The following DTNA variants were observed in gnomAD, a reference collection of about 807,000 sequenced individuals.
DTNA encodes the protein dystrobrevin alpha, also known as dystrophin-related protein 3.
DTNA carries 43 observed loss-of-function variants against 100.7 expected under a neutral mutation model. That is an observed-to-expected ratio of 0.43 (90% CI 0.33 to 0.55). The LOEUF (loss-of-function observed/expected upper bound fraction) is 0.55. Among genes scored for constraint, DTNA ranks in the 20% least tolerant of loss-of-function variants. DTNA has a pLI of 0.04. For synonymous variants in DTNA, 349 were observed against 347.9 expected, an observed-to-expected ratio of 1.00 and a Z score of -0.04; for missense variants, 798 against 953.9, an observed-to-expected ratio of 0.84 and a Z score of 2.15.
At chr18:34,727,855 G>GTAAT (rs1463753314) in intron 1 of DTNA, among the ~76,000 whole-genome samples, 2 of 152,140 alleles carry the variant, frequency 1.3e-5, no homozygotes, top group Non-Finnish European at 2.9e-5. Context: ...GTGAGCCACT[G>GTAAT]CACTCAGCGC....
intron 1 of DTNA, among the ~76,000 whole-genome samples, chr18:34,604,798 T>C (rs2052665746): frequency 6.6e-6 from 1 of 152,136 alleles, no homozygotes; most frequent in Non-Finnish European, 1.5e-5. Flanking sequence ...ACATTTTTCA[T>C]TGCACAAGAG....
chr18:34,834,787 A>G (rs2096100869), intron 11 of DTNA, among the ~76,000 whole-genome samples: 1 of 152,104 alleles, frequency 6.6e-6, no homozygotes, highest in Non-Finnish European at 1.5e-5. Context: ...TACCCCCATA[A>G]CCCAAACACC....
chr18:34,663,668 T>C (rs963487937), intron 1 of DTNA, among the ~76,000 whole-genome samples: 115 of 152,258 alleles, frequency 7.6e-4, no homozygotes, highest in African/African-American at 2.5e-3. Flanking sequence ...AAATGTTTTT[T>C]GAAATTGAAT....
intron 1 of DTNA, chr18:34,493,759 G>A (rs2038811854): frequency 6.7e-6 from 1 of 148,918 alleles, no homozygotes; most frequent in African/African-American, 2.4e-5. Context: ...GCTGGAGCAA[G>A]GGCAGGCGCC....
At chr18:34,589,816 A>G (rs777588298) in intron 1 of DTNA, among the ~76,000 whole-genome samples, 30 of 152,020 alleles carry the variant, frequency 2.0e-4, no homozygotes, top group Non-Finnish European at 2.9e-4. Flanking sequence ...ATTTCTATAT[A>G]TTTGATTTTT....
intron 1 of DTNA, among the ~76,000 whole-genome samples, chr18:34,658,210 A>T (rs1438374577): frequency 6.6e-6 from 1 of 152,194 alleles, no homozygotes; most frequent in African/African-American, 2.4e-5. Context: ...ACTAGCCAGA[A>T]TTTAGGGGGA....
At chr18:34,547,850 A>G (rs776922662) in intron 1 of DTNA, among the ~76,000 whole-genome samples, 13 of 152,170 alleles carry the variant, frequency 8.5e-5, no homozygotes, top group African/African-American at 2.2e-4. Flanking sequence ...TTGAATTTCA[A>G]TATATCCTGG....
At chr18:34,736,636 A>C (rs1285053070) in intron 1 of DTNA, among the ~76,000 whole-genome samples, 3 of 152,166 alleles carry the variant, frequency 2.0e-5, no homozygotes, top group African/African-American at 7.2e-5. Context: ...AAATGCCTTG[A>C]ACTTCTTAGG....
At chr18:34,615,741 C>A (rs951194718) in intron 1 of DTNA, among the ~76,000 whole-genome samples, 4 of 152,080 alleles carry the variant, frequency 2.6e-5, no homozygotes, top group African/African-American at 9.7e-5. Context: ...CACACTCCTC[C>A]CACCCTCCAC....
At chr18:34,547,911 C>G (rs2044975804) in intron 1 of DTNA, among the ~76,000 whole-genome samples, 1 of 152,262 alleles carries the variant, frequency 6.6e-6, no homozygotes, top group East Asian at 1.9e-4. Context: ...CAGCAACCAA[C>G]TAAGTGTTAA....
chr18:34,670,168 C>T (rs923081909), intron 1 of DTNA, among the ~76,000 whole-genome samples: 15 of 152,130 alleles, frequency 9.9e-5, no homozygotes, highest in African/African-American at 3.4e-4. Context: ...TCATTTCATT[C>T]ATTTGGTCTT....
intron 1 of DTNA, among the ~76,000 whole-genome samples, chr18:34,628,677 G>A (rs993760879): frequency 6.6e-6 from 1 of 152,128 alleles, no homozygotes; most frequent in African/African-American, 2.4e-5. Flanking sequence ...AAGTTTCAAT[G>A]TTTCTAAAGA....
At chr18:34,739,980 T>C (rs1174112588) in intron 1 of DTNA, among the ~76,000 whole-genome samples, 1 of 152,110 alleles carries the variant, frequency 6.6e-6, no homozygotes, top group Non-Finnish European at 1.5e-5. Context: ...ATATAAGAGA[T>C]AGGACTGATT....
chr18:34,668,115 T>C (rs1223249040), intron 1 of DTNA, among the ~76,000 whole-genome samples: 1 of 152,214 alleles, frequency 6.6e-6, no homozygotes, highest in African/African-American at 2.4e-5. Flanking sequence ...CTGTTACTGG[T>C]CTATTCAGAG....
chr18:34,595,226 A>G (rs533037151), intron 1 of DTNA, among the ~76,000 whole-genome samples: 1 of 152,378 alleles, frequency 6.6e-6, no homozygotes, highest in East Asian at 1.9e-4. Context: ...AAGTTTGTGA[A>G]TGCATGCACC....
chr18:34,827,623 C>T lies in DTNA; in HGVS notation c.1032C>T (p.Asp344=). 6.2e-7 allele frequency: 1 copy of T among 1,613,964 alleles called. No homozygotes were observed. The highest frequency in any genetic ancestry group is 1.1e-5 in the South Asian group (1 of 91,074). ...CCAGACCTGTAACCAGCATGAACGA[C>T]ACCCTGTTCTCCCACTCTGTTCCCT... ...VPPRPVTSMN[D]TLFSHSVPSS... is the part of the protein sequence containing the mutation. Residue 344 remains aspartate, a synonymous_variant, in exon 10 of 23, where the codon GAC becomes GAT. Transcript: ENST00000444659.
chr18:34,656,003 G>A (rs941671088), intron 1 of DTNA, among the ~76,000 whole-genome samples: 1 of 152,206 alleles, frequency 6.6e-6, no homozygotes, highest in South Asian at 2.1e-4. Context: ...ACACACACGT[G>A]TGCACACTGA....
At chr18:34,620,744 G>A (rs1027972447) in intron 1 of DTNA, among the ~76,000 whole-genome samples, 7 of 152,062 alleles carry the variant, frequency 4.6e-5, no homozygotes, top group African/African-American at 7.2e-5. Context: ...CAGCACAACG[G>A]GGATGCTGCT....
chr18:34,677,567 A>G (rs955708142), intron 1 of DTNA, among the ~76,000 whole-genome samples: 1 of 152,192 alleles, frequency 6.6e-6, no homozygotes, highest in Non-Finnish European at 1.5e-5. Context: ...TTTAGATTAT[A>G]TGCGATTTTC....
Sources: gnomAD v4.1 joint callset for allele counts (sites outside exome capture counted in the v4.1 genomes callset) on GRCh38, gnomAD v4.1.1 for gene constraint, MANE v1.5 for transcripts, NCBI Gene and HGNC (gene_info 2026-07-23, HGNC 2026-07-21) for gene names.